Variants in METTL22 observed in about 807,000 individuals in gnomAD.
METTL22 encodes the protein methyltransferase 22, Kin17 lysine, also known as methyltransferase-like protein 22.
METTL22 carries 51 observed loss-of-function variants against 48.4 expected under a neutral mutation model. The observed-to-expected ratio is 1.05, with a 90% CI of 0.84 to 1.33. The LOEUF (loss-of-function observed/expected upper bound fraction) is 1.33, where lower values mean the gene tolerates loss of function less well. Among genes scored for constraint, METTL22 ranks in the 40% most tolerant of loss-of-function variants. The pLI is 0.00. For synonymous variants in METTL22, 255 were observed against 214.1 expected, an observed-to-expected ratio of 1.19 and a Z score of -1.67; for missense variants, 678 against 526.9, an observed-to-expected ratio of 1.29 and a Z score of -2.81.
At position 8,635,263 on chromosome 16, in the gene METTL22, G is replaced by A. The variant is rs774430853; in HGVS notation, c.651G>A (p.Gly217=). ...CTALELGAGT[G]LASIIAATMA... ...CGCTGGAGCTCGGGGCCGGCACGGG[G>A]CTCGCTAGCATCATCGCAGCCACCA... The change falls in exon 5 of 11, where the codon GGG becomes GGA. Residue 217 remains glycine (G), a synonymous_variant. Coordinates refer to ENST00000381920, the MANE Select transcript of METTL22 (RefSeq NM_024109.4). The A allele has an allele frequency of 3.1e-6, 5 of 1,606,456 alleles. No individual in the cohort carries two copies. The highest frequency in any genetic ancestry group is 2.2e-5 in the South Asian group (2 of 90,666).
downstream of METTL22, among the ~76,000 whole-genome samples, chr16:8,651,010 G>T (rs1220642803): frequency 1.3e-5 from 2 of 152,032 alleles, no homozygotes; most frequent in African/African-American, 2.4e-5. Flanking sequence ...GACAGAGCGA[G>T]ACTCCGTCTC....
rs2056859625 is a variant in METTL22, at chr16:8,649,454, G to A, written c.*3311G>A. 1 of 152,124 alleles carries A rather than the reference G, an allele frequency of 6.6e-6. No homozygotes were observed. Among genetic ancestry groups the A allele is most frequent in the African/African-American group, 2.4e-5 (1 of 41,436 alleles). The allele number at this position is 152,124 out of a possible 1,614,324, so 9.4% of individuals were successfully genotyped here. On this transcript the variant is annotated 3_prime_UTR_variant, in exon 11 of 11. Transcript: ENST00000381920. ...TTCAGAAAAATATGTGACCCAAGGA[G>A]GGGACTTGGCTGTTCAGCTGCAGCC... is the stretch of plus-strand genomic sequence containing the variant.
At chr16:8,641,208 C>G in intron 7 of METTL22, 24 bp downstream of exon 7, 1 of 1,612,920 alleles carries the variant, frequency 6.2e-7, no homozygotes, top group Non-Finnish European at 8.5e-7. Context: ...TCGGACGTCC[C>G]CCAGTATGAT....
chr16:8,648,901 A>C lies in METTL22; in HGVS notation c.*2758A>C, dbSNP rs1437415912. ...AGTTTGAGAAGCTCTGGGGCCTACC[A>C]CATAGCCCTCAACCTATTGCTGTTT... is the stretch of plus-strand genomic sequence containing the variant. On this transcript the variant is annotated 3_prime_UTR_variant, in exon 11 of 11. Coordinates refer to ENST00000381920, the MANE Select transcript of METTL22 (RefSeq NM_024109.4). The C allele has an allele frequency of 6.6e-6, 1 of 152,412 alleles. No homozygotes were observed. Among genetic ancestry groups the C allele is most frequent in the South Asian group, 2.1e-4 (1 of 4,834 alleles). The allele number at this position is 152,412 out of a possible 1,614,324, so 9.4% of individuals were successfully genotyped here.
chr16:8,625,865 T>G, intron 2 of METTL22, 67 bp downstream of exon 2: 1 of 1,585,650 alleles, frequency 6.3e-7, no homozygotes, highest in Non-Finnish European at 8.6e-7. Context: ...ACTCATCTTT[T>G]TGGGGAAAAT....
At chr16:8,628,409 T>C (rs1207769120) in intron 2 of METTL22, among the ~76,000 whole-genome samples, 1 of 152,200 alleles carries the variant, frequency 6.6e-6, no homozygotes, top group Non-Finnish European at 1.5e-5. Context: ...AGCTTAGTCC[T>C]CTAAGCCTCA....
chr16:8,660,300 C>A, the METTL22 span, among the ~76,000 whole-genome samples: 1 of 152,022 alleles, frequency 6.6e-6, no homozygotes, highest in Non-Finnish European at 1.5e-5. Flanking sequence ...CCTCAGCCTC[C>A]CAAGCTGGAA....
Position 8,629,052 on chromosome 16 carries a change from A to AGAAGACGACGTCCTGG in METTL22, c.459_474dup (p.Glu159ArgfsTer67). On this transcript the variant is annotated frameshift_variant, in exon 3 of 11. Transcript: ENST00000381920. LOFTEE classifies it high-confidence loss of function. Reference sequence around the variant, plus strand: ...TACATCCCATGATTCTAGCACAGGAAGAAGACGACGTCCTGGGAGAGGAAG... The same window carrying AGAAGACGACGTCCTGG: ...TACATCCCATGATTCTAGCACAGGAAGAAGACGACGTCCTGGGAAGACGACGTCCTGGGAGAGGAAG... 1 of 1,614,016 alleles carries AGAAGACGACGTCCTGG rather than the reference A, an allele frequency of 6.2e-7. No individual in the cohort carries two copies. The highest frequency in any genetic ancestry group is 1.1e-5 in the South Asian group (1 of 91,086).
chr16:8,652,743 C>G (rs1310038109), downstream of METTL22, among the ~76,000 whole-genome samples: 3 of 152,056 alleles, frequency 2.0e-5, no homozygotes. Flanking sequence ...GGTGGCCATA[C>G]CTTGGCCCTA....
the METTL22 span, among the ~76,000 whole-genome samples, chr16:8,661,623 C>T: frequency 9.8e-5 from 10 of 101,994 alleles, 1 homozygote; most frequent in South Asian, 3.3e-4. Context: ...CCAGCCTGGG[C>T]GACACAGCGA....
chr16:8,661,100 G>A, the METTL22 span, among the ~76,000 whole-genome samples: 5 of 152,124 alleles, frequency 3.3e-5, no homozygotes, highest in Non-Finnish European at 7.4e-5. Flanking sequence ...GGCACCTTGC[G>A]TCCCTGCTGG....
At chr16:8,643,369 G>T (rs1195022697) in intron 9 of METTL22, among the ~76,000 whole-genome samples, 1 of 152,248 alleles carries the variant, frequency 6.6e-6, no homozygotes, top group African/African-American at 2.4e-5. Flanking sequence ...CATCAGGACA[G>T]TTGGGAAAAG....
At chr16:8,655,681 C>T in the METTL22 span, among the ~76,000 whole-genome samples, 1 of 152,204 alleles carries the variant, frequency 6.6e-6, no homozygotes. Flanking sequence ...CACATCCTTG[C>T]CCTGAAGAGG....
chr16:8,627,359 C>G (rs572976430), intron 2 of METTL22, among the ~76,000 whole-genome samples: 110 of 152,172 alleles, frequency 7.2e-4, no homozygotes, highest in African/African-American at 2.6e-3. Context: ...TTCTGTCCCT[C>G]AAACACAGGG....
chr16:8,661,793 G>C, the METTL22 span, among the ~76,000 whole-genome samples: 1 of 143,260 alleles, frequency 7.0e-6, no homozygotes, highest in Admixed American at 7.1e-5. Context: ...GGATGATTTC[G>C]AACTCCCGGC....
chr16:8,663,380 C>T, the METTL22 span, among the ~76,000 whole-genome samples: 2 of 152,058 alleles, frequency 1.3e-5, no homozygotes, highest in Non-Finnish European at 2.9e-5. Context: ...CTAACCACTT[C>T]GCCTAAGTGT....
intron 1 of METTL22, among the ~76,000 whole-genome samples, chr16:8,624,534 G>C (rs545773560): frequency 6.6e-6 from 1 of 151,916 alleles, no homozygotes; most frequent in African/African-American, 2.4e-5. Flanking sequence ...CGCGCGCCAC[G>C]ACACCCGCCT....
intron 5 of METTL22, among the ~76,000 whole-genome samples, chr16:8,635,638 A>G (rs1354077338): frequency 6.6e-6 from 1 of 152,266 alleles, no homozygotes; most frequent in Non-Finnish European, 1.5e-5. Context: ...ATACCCTTTT[A>G]GAAGCCTTTG....
rs780640926 is a variant in METTL22 at position 8,644,782 on chromosome 16, C to T, written c.1179+57C>T. 5.4e-6 allele frequency: 8 copies of T among 1,475,692 alleles called. No homozygotes were observed. In the African/African-American group the frequency reaches 1.1e-4, roughly 21 times the overall value. The allele number at this position is 1,475,692 out of a possible 1,614,324, so 91.4% of individuals were successfully genotyped here. A position where few individuals can be genotyped will look rare whatever the true frequency, so the allele number is the denominator to read the frequency against. ...TTGCTTTACTGTGAAGCGGGTGACT[C>T]CAGGGCAAAGAGGTGATGAAGCAAG... On this transcript the variant is annotated intron_variant, in intron 10 of 10. Coordinates refer to ENST00000381920, the MANE Select transcript of METTL22 (RefSeq NM_024109.4).
Sources: gnomAD v4.1 joint callset for allele counts (sites outside exome capture counted in the v4.1 genomes callset) on GRCh38, gnomAD v4.1.1 for gene constraint, MANE v1.5 for transcripts, NCBI Gene and HGNC (gene_info 2026-07-23, HGNC 2026-07-21) for gene names.